OPRM1: variants seen among roughly 807,000 people sequenced by gnomAD.
OPRM1 encodes opioid receptor mu 1.
A neutral mutation model predicts 31.8 loss-of-function variants in OPRM1; 27 were observed. The ratio of observed to expected loss-of-function variants is 0.85; its 90% confidence interval spans 0.63 to 1.17. The LOEUF is 1.17. Ranked by LOEUF, OPRM1 falls within the 50% of genes most tolerant of loss-of-function variation. The pLI, the probability that OPRM1 is intolerant of heterozygous loss-of-function variation, is 0.00. For synonymous variants in OPRM1, 196 were observed against 189.9 expected (o/e 1.03, Z -0.26); for missense variants, 536 against 511.1 (o/e 1.05, Z -0.47).
intron 3 of OPRM1, among the ~76,000 whole-genome samples, chr6:154,226,461 A>T (rs1020658781): frequency 8.6e-5 from 13 of 152,012 alleles, no homozygotes; most frequent in African/African-American, 3.1e-4. Flanking sequence ...CCAAAACAGG[A>T]CATGTGAGAG....
chr6:154,107,564 A>G (rs761953241), intron 3 of OPRM1: 1 of 718,448 alleles, frequency 1.4e-6, no homozygotes. Flanking sequence ...AAGAGTCTAG[A>G]GCATTAATTT....
intron 1 of OPRM1, among the ~76,000 whole-genome samples, chr6:154,017,242 G>C (rs1778057413): frequency 6.6e-6 from 1 of 151,966 alleles, no homozygotes; most frequent in South Asian, 2.1e-4. Flanking sequence ...TAAGTACTTG[G>C]TACTAGTGCC....
chr6:154,215,125 A>G (rs1008822155), intron 3 of OPRM1, among the ~76,000 whole-genome samples: 2 of 152,164 alleles, frequency 1.3e-5, no homozygotes, highest in Admixed American at 6.5e-5. Context: ...CAATTCGTCT[A>G]TGCTTTTGAT....
chr6:154,124,485 G>T lies in OPRM1; in HGVS notation c.*5764G>T, dbSNP rs1797473468. On this transcript the variant is annotated 3_prime_UTR_variant, in exon 4 of 4. Coordinates refer to ENST00000330432, the MANE Select transcript of OPRM1 (RefSeq NM_000914.5). ...AGTTGTTTTCCATAGGTGTGGGGTG[G>T]GATGTTAGAGCTCTAGACATTAATT... is the stretch of plus-strand genomic sequence containing the variant. Among the ~76,000 whole-genome samples, 1 of 152,070 alleles carries T rather than the reference G, an allele frequency of 6.6e-6. No individual in the cohort carries two copies. The highest frequency in any genetic ancestry group is 2.1e-4 in the South Asian group (1 of 4,812).
intron 3 of OPRM1, among the ~76,000 whole-genome samples, chr6:154,216,494 A>G (rs1440083427): frequency 6.6e-6 from 1 of 152,232 alleles, no homozygotes; most frequent in African/African-American, 2.4e-5. Context: ...AGCCTGATCC[A>G]CTGTACTTCA....
intron 3 of OPRM1, among the ~76,000 whole-genome samples, chr6:154,218,528 C>T (rs1181367090): frequency 6.6e-6 from 1 of 152,162 alleles, no homozygotes; most frequent in African/African-American, 2.4e-5. Flanking sequence ...CACTCCCTCC[C>T]CCACACCTCT....
Position 154,118,842 on chromosome 6 carries a change from A to C in OPRM1, c.*121A>C. ...CTAGGAAAGTGCCTGCTTTTAGGTC[A>C]TCCAACCTCTTTCCTCTCTGGCCAC... is the stretch of plus-strand genomic sequence containing the variant. On this transcript the variant is annotated 3_prime_UTR_variant, in exon 4 of 4. Coordinates refer to ENST00000330432, the MANE Select transcript of OPRM1 (RefSeq NM_000914.5). The C allele has an allele frequency of 5.9e-6, 9 of 1,523,208 alleles. No homozygotes were observed. Among genetic ancestry groups the C allele is most frequent in the Non-Finnish European group, 8.7e-7 (1 of 1,144,174 alleles). 94.4% of individuals were successfully genotyped at this position (1,523,208 alleles called of 1,614,324 possible). A position where few individuals can be genotyped will look rare whatever the true frequency, so the allele number is the denominator to read the frequency against.
At chr6:154,019,880 C>T (rs1277897705) in intron 1 of OPRM1, among the ~76,000 whole-genome samples, 2 of 151,616 alleles carry the variant, frequency 1.3e-5, no homozygotes, top group East Asian at 3.9e-4. Context: ...ACTACAGACA[C>T]ATGCCACCGT....
At chr6:154,212,424 C>T (rs961170213) in intron 3 of OPRM1, among the ~76,000 whole-genome samples, 2 of 152,152 alleles carry the variant, frequency 1.3e-5, no homozygotes, top group African/African-American at 4.8e-5. Flanking sequence ...TGCACATAGG[C>T]AAGGCATTTA....
Position 154,129,473 on chromosome 6 carries a change from T to G in OPRM1, c.*10752T>G, listed in dbSNP as rs627210. On this transcript the variant is annotated 3_prime_UTR_variant, in exon 4 of 4. Transcript: ENST00000330432. ...CTGAATATGAAACAATATAAAACAA[T>G]GTGAGAGGGTCTTTCTCTCCTCTCA... is the stretch of plus-strand genomic sequence containing the variant. Among the ~76,000 whole-genome samples the G allele has an allele frequency of 0.66, 99,724 of 152,060 alleles. 33,120 individuals are homozygous for G. Among genetic ancestry groups the G allele is most frequent in the East Asian group, 0.9 (4,656 of 5,170 alleles).
chr6:154,163,048 C>T (rs1470850972), intron 3 of OPRM1, among the ~76,000 whole-genome samples: 1 of 152,194 alleles, frequency 6.6e-6, no homozygotes, highest in Middle Eastern at 3.2e-3. Context: ...ACACCCAATC[C>T]ACCAGCAAAG....
At chr6:154,205,945 G>T (rs1201592136) in intron 3 of OPRM1, among the ~76,000 whole-genome samples, 1 of 152,020 alleles carries the variant, frequency 6.6e-6, no homozygotes, top group South Asian at 2.1e-4. Flanking sequence ...TGGCTATGCT[G>T]CAGCCTTCCC....
chr6:154,237,654 A>T (rs1780239747), intron 3 of OPRM1, among the ~76,000 whole-genome samples: 1 of 152,212 alleles, frequency 6.6e-6, no homozygotes, highest in African/African-American at 2.4e-5. Flanking sequence ...AGACATTTGC[A>T]TCACTGACTT....
chr6:154,230,140 T>C (rs1779608541), intron 3 of OPRM1, among the ~76,000 whole-genome samples: 2 of 152,166 alleles, frequency 1.3e-5, no homozygotes, highest in Non-Finnish European at 2.9e-5. Context: ...ATTATGATGG[T>C]TGCATCACTT....
rs1183144479 is a variant in OPRM1, at chr6:154,124,450, T to C, written c.*5729T>C. The stretch of plus-strand genomic sequence containing the variant: ...GAAATTGCACTTAAACTTTACAAAA[T>C]CACAGAAGAAGTTGTTTTCCATAGG... On this transcript the variant is annotated 3_prime_UTR_variant, in exon 4 of 4. Transcript: ENST00000330432. 6.6e-6 allele frequency among the ~76,000 whole-genome samples: 1 copy of C among 152,168 alleles called. No individual in the cohort carries two copies. The highest frequency in any genetic ancestry group is 1.5e-5 in the Non-Finnish European group (1 of 68,016).
chr6:154,091,509 A>C lies in OPRM1; in HGVS notation c.1164+37A>C, dbSNP rs141492794. 9.4e-4 allele frequency: 1,472 copies of C among 1,566,776 alleles called. 14 individuals are homozygous for C. The African/African-American group carries it at 0.017, about 18-fold the overall frequency. On this transcript the variant is annotated intron_variant, in intron 3 of 3. Transcript: ENST00000330432. ...CTAGAATTAGGTATATCTACTGGGG[A>C]TGACATAAAAATTATAAGGCTTTGT...
chr6:154,226,960 G>A (rs937047136), intron 3 of OPRM1, among the ~76,000 whole-genome samples: 2 of 152,206 alleles, frequency 1.3e-5, no homozygotes, highest in Non-Finnish European at 2.9e-5. Context: ...ACTTTGGGAG[G>A]CCAAGGTGGG....
intron 3 of OPRM1, among the ~76,000 whole-genome samples, chr6:154,236,379 C>G (rs940569012): frequency 6.6e-6 from 1 of 152,046 alleles, no homozygotes; most frequent in Non-Finnish European, 1.5e-5. Flanking sequence ...ATGGTGGTTG[C>G]CAGGGACTGG....
rs186478087 is a variant in OPRM1, at chr6:154,073,199, G to T, written c.291-16627G>T. Among the ~76,000 whole-genome samples the T allele has an allele frequency of 7.6e-4, 115 of 152,252 alleles. 1 individual carries two copies. The highest frequency in any genetic ancestry group is 6.8e-3 in the Middle Eastern group (2 of 294). ...CTAAGAACAGCCAATATAAGCTGCA[G>T]GTAGTGGAGCAAACTCCACTGATGT... On this transcript the variant is annotated intron_variant, in intron 1 of 3. Coordinates refer to ENST00000330432, the MANE Select transcript of OPRM1 (RefSeq NM_000914.5).
Sources: gnomAD v4.1 joint callset for allele counts (sites outside exome capture counted in the v4.1 genomes callset) on GRCh38, gnomAD v4.1.1 for gene constraint, MANE v1.5 for transcripts, NCBI Gene and HGNC (gene_info 2026-07-23, HGNC 2026-07-21) for gene names.